Variants in PTN observed in about 807,000 individuals in gnomAD.
PTN encodes heparin affin regulatory protein.
Under a neutral mutation model 24.1 loss-of-function variants are expected in PTN, and 18 were observed. The observed-to-expected ratio is 0.75, with a 90% confidence interval of 0.52 to 1.11. The LOEUF (loss-of-function observed/expected upper bound fraction) is 1.11, where lower values mean the gene tolerates loss of function less well. Among genes scored for constraint, PTN ranks in the 50% least tolerant of loss-of-function variants. PTN has a pLI of 0.00. For synonymous variants in PTN, 78 were observed against 68.6 expected (o/e 1.14, Z -0.67); for missense variants, 163 against 198.8 (o/e 0.82, Z 1.08).
intron 1 of PTN, among the ~76,000 whole-genome samples, chr7:137,317,626 C>T (rs1365781023): frequency 2.0e-5 from 3 of 152,040 alleles, no homozygotes; most frequent in Non-Finnish European, 4.4e-5. Context: ...TTATTTTGAT[C>T]GTGTGTTTAT....
intron 4 of PTN, among the ~76,000 whole-genome samples, chr7:137,248,073 A>G (rs1808755026): frequency 6.6e-6 from 1 of 152,228 alleles, no homozygotes. Context: ...GAAAACACCT[A>G]GAGCAATGTA....
intron 4 of PTN, among the ~76,000 whole-genome samples, chr7:137,238,966 T>C (rs1319383329): frequency 6.6e-6 from 1 of 152,178 alleles, no homozygotes; most frequent in Non-Finnish European, 1.5e-5. Context: ...CGAAACCCAA[T>C]AACTAATATG....
At chr7:137,321,291 CAA>C in intron 1 of PTN, among the ~76,000 whole-genome samples, 1 of 152,140 alleles carries the variant, frequency 6.6e-6, no homozygotes, top group East Asian at 1.9e-4. Context: ...GGCTAAGAAT[CAA>C]AGAGATGTTT....
chr7:137,308,391 T>C (rs1178180595), intron 1 of PTN, among the ~76,000 whole-genome samples: 1 of 152,216 alleles, frequency 6.6e-6, no homozygotes, highest in Non-Finnish European at 1.5e-5. Context: ...AACATCACTA[T>C]GTCACAGAAA....
chr7:137,229,959 A>G (rs1034452027), intron 4 of PTN, among the ~76,000 whole-genome samples: 2 of 151,922 alleles, frequency 1.3e-5, no homozygotes, highest in Middle Eastern at 3.4e-3. Flanking sequence ...TAGGATTTCA[A>G]CTGAGACCTA....
intron 1 of PTN, among the ~76,000 whole-genome samples, chr7:137,257,976 C>T (rs1383699683): frequency 1.3e-5 from 2 of 152,164 alleles, no homozygotes; most frequent in Non-Finnish European, 2.9e-5. Flanking sequence ...AATACAATAA[C>T]ACACATATAC....
intron 1 of PTN, among the ~76,000 whole-genome samples, chr7:137,262,727 G>A (rs1176996176): frequency 6.6e-6 from 1 of 152,210 alleles, no homozygotes; most frequent in Non-Finnish European, 1.5e-5. Flanking sequence ...ACGGGGCTGT[G>A]AGCACCGATG....
At chr7:137,263,282 G>A (rs185187232) in intron 1 of PTN, among the ~76,000 whole-genome samples, 96 of 152,192 alleles carry the variant, frequency 6.3e-4, no homozygotes, top group African/African-American at 1.7e-3. Context: ...CTTCAGGGTC[G>A]AATCCATGTT....
chr7:137,273,402 T>C (rs1019670828), intron 1 of PTN, among the ~76,000 whole-genome samples: 1 of 152,096 alleles, frequency 6.6e-6, no homozygotes, highest in African/African-American at 2.4e-5. Flanking sequence ...GGGTAATTTA[T>C]AAAGGAAAAA....
intron 1 of PTN, among the ~76,000 whole-genome samples, chr7:137,261,036 T>C (rs1809028697): frequency 1.3e-5 from 2 of 152,210 alleles, no homozygotes; most frequent in South Asian, 4.1e-4. Context: ...TTTTCAAGAT[T>C]ATGAATTTGC....
rs375985916 is a variant in PTN at position 137,336,310 on chromosome 7, G to A, written c.-2+7129C>T. ...CAGCAGCCCATACCAAACAACAGGC[G>A]GACTGTGGTGAGATGCTGGTTCCTG... On this transcript the variant is annotated intron_variant, in intron 1 of 4. Coordinates refer to ENST00000348225, the MANE Select transcript of PTN (RefSeq NM_002825.7). Among the ~76,000 whole-genome samples, 357 of 152,168 alleles carry A rather than the reference G, an allele frequency of 2.3e-3. 5 individuals are homozygous for A. The highest frequency in any genetic ancestry group is 8.2e-3 in the African/African-American group (339 of 41,514).
chr7:137,291,090 C>T (rs1336901418), intron 1 of PTN, among the ~76,000 whole-genome samples: 1 of 151,966 alleles, frequency 6.6e-6, no homozygotes, highest in Non-Finnish European at 1.5e-5. Context: ...TAGCTATGCA[C>T]AAAAATTGTG....
At chr7:137,336,205 T>C (rs1162087143) in intron 1 of PTN, among the ~76,000 whole-genome samples, 1 of 152,098 alleles carries the variant, frequency 6.6e-6, no homozygotes, top group Non-Finnish European at 1.5e-5. Context: ...ACCTATGAGG[T>C]TGGCAAAACA....
At chr7:137,263,302 C>T (rs1809076227) in intron 1 of PTN, among the ~76,000 whole-genome samples, 1 of 152,188 alleles carries the variant, frequency 6.6e-6, no homozygotes, top group Non-Finnish European at 1.5e-5. Context: ...TACACTTGTA[C>T]AGGCACATGT....
chr7:137,323,915 T>G (rs150100793), intron 1 of PTN, among the ~76,000 whole-genome samples: 1 of 152,062 alleles, frequency 6.6e-6, no homozygotes, highest in Non-Finnish European at 1.5e-5. Context: ...GAGAAGAGAA[T>G]CCACAGATCG....
At chr7:137,302,951 A>G (rs977113125) in intron 1 of PTN, among the ~76,000 whole-genome samples, 3 of 150,296 alleles carry the variant, frequency 2.0e-5, no homozygotes, top group Admixed American at 1.3e-4. Context: ...TGGTCTCAAA[A>G]AGAAAGTACT....
chr7:137,262,718 C>T (rs538919248), intron 1 of PTN, among the ~76,000 whole-genome samples: 29 of 152,300 alleles, frequency 1.9e-4, no homozygotes, highest in East Asian at 1.9e-4. Context: ...GGGTATGTGA[C>T]GGGGCTGTGA....
intron 1 of PTN, among the ~76,000 whole-genome samples, chr7:137,268,595 G>C (rs569755307): frequency 3.3e-5 from 5 of 152,258 alleles, no homozygotes; most frequent in African/African-American, 1.2e-4. Context: ...AGAACAGAAC[G>C]GGAGGTTTCA....
At chr7:137,266,948 A>G (rs1053973401) in intron 1 of PTN, among the ~76,000 whole-genome samples, 163 of 143,338 alleles carry the variant, frequency 1.1e-3, no homozygotes, top group African/African-American at 4.0e-3. Context: ...TCCGCAGGTT[A>G]CTGGGTTAAG....
Sources: allele counts gnomAD v4.1 joint callset (sites outside exome capture counted in the v4.1 genomes callset), GRCh38; gene constraint gnomAD v4.1.1; transcripts MANE v1.5; gene names NCBI Gene and HGNC (gene_info 2026-07-23, HGNC 2026-07-21).